The following POU6F2 variants were observed in gnomAD, a reference collection of about 807,000 sequenced individuals.
POU6F2 encodes the protein POU class 6 homeobox 2.
POU6F2 carries 31 observed loss-of-function variants against 71.3 expected under a neutral mutation model. That is an observed-to-expected ratio of 0.43 (90% CI 0.33 to 0.59). The LOEUF is 0.59. Ranked by LOEUF, POU6F2 falls within the 20% of genes least tolerant of loss-of-function variation. POU6F2 has a pLI of 0.04. For synonymous variants in POU6F2, 347 were observed against 355.7 expected, an observed-to-expected ratio of 0.98 and a Z score of 0.27; for missense variants, 783 against 856.8, an observed-to-expected ratio of 0.91 and a Z score of 1.07.
chr7:39,091,791 T>C (rs1475230415), intron 2 of POU6F2, among the ~76,000 whole-genome samples: 2 of 152,236 alleles, frequency 1.3e-5, no homozygotes. Context: ...ATTGACCAAA[T>C]ACGTTTTTCT....
chr7:39,185,851 GTATGTGTATATA>G (rs1793527729), intron 2 of POU6F2, among the ~76,000 whole-genome samples: 1 of 48,138 alleles, frequency 2.1e-5, no homozygotes. Flanking sequence ...ATATGTATAT[GTATGTGTATATA>G]TGTATATATG....
At chr7:39,160,695 T>C (rs1268596732) in intron 2 of POU6F2, among the ~76,000 whole-genome samples, 1 of 152,186 alleles carries the variant, frequency 6.6e-6, no homozygotes, top group Non-Finnish European at 1.5e-5. Context: ...ATGAAGACTT[T>C]GTTGATTAAT....
At chr7:39,118,351 C>T (rs1211268353) in intron 2 of POU6F2, among the ~76,000 whole-genome samples, 1 of 151,196 alleles carries the variant, frequency 6.6e-6, no homozygotes, top group Non-Finnish European at 1.5e-5. Context: ...AATAAAGAAA[C>T]AGGAATGGAA....
chr7:39,366,363 C>T (rs941549685), intron 5 of POU6F2, among the ~76,000 whole-genome samples: 1 of 152,150 alleles, frequency 6.6e-6, no homozygotes, highest in African/African-American at 2.4e-5. Flanking sequence ...CACAAACACA[C>T]ACACACAGAT....
At chr7:39,006,985 A>C in intron 1 of POU6F2, 1 of 1,018,232 alleles carries the variant, frequency 9.8e-7, no homozygotes, top group African/African-American at 1.6e-5. Flanking sequence ...GAGTCAAATG[A>C]GTGAGATTCC....
At chr7:39,313,116 T>C (rs1785199248) in intron 4 of POU6F2, among the ~76,000 whole-genome samples, 1 of 152,104 alleles carries the variant, frequency 6.6e-6, no homozygotes, top group African/African-American at 2.4e-5. Context: ...TTTCCATGGT[T>C]TACAAGTTTC....
chr7:39,067,461 CAT>C (rs1790781045), intron 1 of POU6F2, among the ~76,000 whole-genome samples: 1 of 151,720 alleles, frequency 6.6e-6, no homozygotes, highest in Non-Finnish European at 1.5e-5. Context: ...TAAAAACTAA[CAT>C]TAATAAAAAT....
chr7:39,008,690 G>A (rs1183459961), intron 1 of POU6F2, among the ~76,000 whole-genome samples: 5 of 149,290 alleles, frequency 3.3e-5, no homozygotes, highest in Admixed American at 2.7e-4. Flanking sequence ...ATCTTGAATT[G>A]ATTTTTGTAT....
At chr7:39,338,772 C>G (rs1317921757) in intron 4 of POU6F2, among the ~76,000 whole-genome samples, 2 of 152,210 alleles carry the variant, frequency 1.3e-5, no homozygotes, top group Non-Finnish European at 2.9e-5. Context: ...TAACCAGCTT[C>G]CTTCTGCAGA....
intron 4 of POU6F2, among the ~76,000 whole-genome samples, chr7:39,271,509 A>G (rs1285265173): frequency 6.6e-6 from 1 of 151,940 alleles, no homozygotes; most frequent in African/African-American, 2.4e-5. Flanking sequence ...AAAAAAAAAA[A>G]AAAACCCTAT....
At chr7:39,296,117 T>G (rs1784839764) in intron 4 of POU6F2, among the ~76,000 whole-genome samples, 1 of 152,242 alleles carries the variant, frequency 6.6e-6, no homozygotes, top group South Asian at 2.1e-4. Flanking sequence ...AGTATTCTAG[T>G]TAATAATTTC....
intron 1 of POU6F2, among the ~76,000 whole-genome samples, chr7:39,009,956 TTCA>T (rs1443657205): frequency 1.3e-5 from 2 of 152,046 alleles, no homozygotes; most frequent in African/African-American, 4.8e-5. Context: ...TGCATCGATG[TTCA>T]TCAAGGATAC....
intron 2 of POU6F2, among the ~76,000 whole-genome samples, chr7:39,176,249 CTT>C (rs1414108145): frequency 2.0e-5 from 3 of 152,190 alleles, no homozygotes; most frequent in Non-Finnish European, 4.4e-5. Context: ...GGTGATGGTG[CTT>C]CTCTCTTTGT....
intron 2 of POU6F2, among the ~76,000 whole-genome samples, chr7:39,120,232 G>C (rs1455548965): frequency 1.3e-5 from 2 of 152,118 alleles, no homozygotes; most frequent in Non-Finnish European, 2.9e-5. Context: ...TCAAACTCCT[G>C]GGCTCAAGCA....
intron 4 of POU6F2, among the ~76,000 whole-genome samples, chr7:39,334,938 A>G (rs1205291109): frequency 1.3e-5 from 2 of 152,132 alleles, no homozygotes; most frequent in African/African-American, 4.8e-5. Flanking sequence ...TGCTTCCCCC[A>G]GTTAGGGACA....
At chr7:39,236,417 A>AT (rs1426266258) in intron 4 of POU6F2, among the ~76,000 whole-genome samples, 1 of 151,784 alleles carries the variant, frequency 6.6e-6, no homozygotes, top group African/African-American at 2.4e-5. Context: ...TTGTGTTTGC[A>AT]TTTTTTTTCT....
At chr7:39,262,021 T>G (rs1583482154) in intron 4 of POU6F2, among the ~76,000 whole-genome samples, 1 of 151,714 alleles carries the variant, frequency 6.6e-6, no homozygotes, top group East Asian at 1.9e-4. Flanking sequence ...TATGGAAGGG[T>G]GGAGAAACAC....
intron 4 of POU6F2, among the ~76,000 whole-genome samples, chr7:39,309,329 A>C (rs962358710): frequency 1.3e-5 from 2 of 152,134 alleles, no homozygotes; most frequent in African/African-American, 4.8e-5. Flanking sequence ...ATGGAAAAAC[A>C]TTTGCTCTCT....
intron 1 of POU6F2, among the ~76,000 whole-genome samples, chr7:39,051,686 C>T (rs181491494): frequency 1.1e-3 from 165 of 152,086 alleles, no homozygotes; most frequent in African/African-American, 3.6e-3. Flanking sequence ...TTTTGATTGC[C>T]ATCCTCTCCT....
Sources: allele counts gnomAD v4.1 joint callset (sites outside exome capture counted in the v4.1 genomes callset), GRCh38; gene constraint gnomAD v4.1.1; transcripts MANE v1.5; gene names NCBI Gene and HGNC (gene_info 2026-07-23, HGNC 2026-07-21).